BMPR1A: variants seen among roughly 807,000 people sequenced by gnomAD.
BMPR1A encodes bone morphogenetic protein receptor type 1A.
A neutral mutation model predicts 66.0 loss-of-function variants in BMPR1A; 7 were observed. The observed-to-expected ratio is 0.11, with a 90% CI of 0.06 to 0.20. The LOEUF (loss-of-function observed/expected upper bound fraction) is 0.20, where lower values mean the gene tolerates loss of function less well. Ranked by LOEUF, BMPR1A falls within the 10% of genes least tolerant of loss-of-function variation. BMPR1A has a pLI of 1.00. For synonymous variants in BMPR1A, 200 were observed against 229.7 expected (o/e 0.87, Z 1.17); for missense variants, 408 against 669.1 (o/e 0.61, Z 4.31).
At chr10:86,847,753 A>G (rs1340089787) in intron 2 of BMPR1A, among the ~76,000 whole-genome samples, 3 of 151,702 alleles carry the variant, frequency 2.0e-5, no homozygotes, top group Non-Finnish European at 4.4e-5. Flanking sequence ...TTTAAACACT[A>G]TGCACCAAAG....
At chr10:86,879,418 G>A (rs1437117201) in intron 3 of BMPR1A, among the ~76,000 whole-genome samples, 1 of 152,186 alleles carries the variant, frequency 6.6e-6, no homozygotes, top group Non-Finnish European at 1.5e-5. Flanking sequence ...TGTTGGATTA[G>A]ACCAACGATT....
intron 1 of BMPR1A, among the ~76,000 whole-genome samples, chr10:86,778,490 C>T (rs923893836): frequency 1.3e-5 from 2 of 151,972 alleles, no homozygotes; most frequent in African/African-American, 4.8e-5. Flanking sequence ...TTTCTTCTTC[C>T]ATCGTGGCCC....
At chr10:86,842,344 T>C (rs1236438128) in intron 2 of BMPR1A, among the ~76,000 whole-genome samples, 1 of 152,164 alleles carries the variant, frequency 6.6e-6, no homozygotes, top group Non-Finnish European at 1.5e-5. Flanking sequence ...ATAGTTTGAG[T>C]GTTTTCCATA....
At chr10:86,815,648 C>G (rs530938539) in intron 1 of BMPR1A, among the ~76,000 whole-genome samples, 3 of 152,206 alleles carry the variant, frequency 2.0e-5, no homozygotes, top group Non-Finnish European at 2.9e-5. Flanking sequence ...TCAGGCCAAA[C>G]ACTGGTTTAA....
At chr10:86,922,328 C>T (rs1843679057) in intron 11 of BMPR1A, among the ~76,000 whole-genome samples, 2 of 152,198 alleles carry the variant, frequency 1.3e-5, no homozygotes, top group African/African-American at 4.8e-5. Flanking sequence ...GTTGCTTCCA[C>T]ATCTTGGCTA....
chr10:86,767,730 T>TC (rs1482823961), intron 1 of BMPR1A, among the ~76,000 whole-genome samples: 3 of 151,318 alleles, frequency 2.0e-5, no homozygotes, highest in African/African-American at 7.4e-5. Flanking sequence ...AGCTTTTTTT[T>TC]CCTCCTGAAC....
At chr10:86,854,927 C>CTT in intron 2 of BMPR1A, 2 of 170,410 alleles carry the variant, frequency 1.2e-5, no homozygotes, top group Admixed American at 6.1e-5. Context: ...CTTTTTTTTT[C>CTT]TTTTTCTTTT....
At chr10:86,789,938 T>G (rs1841576597) in intron 1 of BMPR1A, among the ~76,000 whole-genome samples, 1 of 150,458 alleles carries the variant, frequency 6.6e-6, no homozygotes, top group Non-Finnish European at 1.5e-5. Flanking sequence ...GGGCAGATCA[T>G]GAGGTCAGGA....
rs1201660884 is a variant in BMPR1A at position 86,926,505 on chromosome 10, GC to G, written c.*2787del. 6.0e-6 allele frequency: 1 copy of G among 166,106 alleles called. No individual in the cohort carries two copies. The highest frequency in any genetic ancestry group is 2.4e-5 in the African/African-American group (1 of 41,888). 10.3% of individuals were successfully genotyped at this position (166,106 alleles called of 1,614,324 possible). On this transcript the variant is annotated 3_prime_UTR_variant, in exon 13 of 13. Transcript: ENST00000372037. ...ACTGCACTCCAGCCTGGGCAAAAGA[GC>G]GAAACTCCATCTCAAATAAACAAAC...
intron 1 of BMPR1A, among the ~76,000 whole-genome samples, chr10:86,760,588 G>A (rs1214705912): frequency 6.6e-6 from 1 of 152,082 alleles, no homozygotes; most frequent in East Asian, 1.9e-4. Context: ...TGCAGGGTGG[G>A]TCTGTAACGG....
chr10:86,828,609 A>G (rs1170073946), intron 1 of BMPR1A, among the ~76,000 whole-genome samples: 52 of 152,182 alleles, frequency 3.4e-4, no homozygotes, highest in Admixed American at 6.5e-5. Context: ...TGCTGATTTT[A>G]GCAGATCTGG....
chr10:86,783,598 A>AT (rs1841469431), intron 1 of BMPR1A, among the ~76,000 whole-genome samples: 1 of 151,868 alleles, frequency 6.6e-6, no homozygotes, highest in African/African-American at 2.4e-5. Flanking sequence ...GTTTTACTTT[A>AT]TTTTTTTAGA....
chr10:86,912,218 T>C lies in BMPR1A; in HGVS notation c.531-22T>C, dbSNP rs377132097. On this transcript the variant is annotated intron_variant, in intron 7 of 12. Transcript: ENST00000372037. Reference sequence around the variant, plus strand: ...TATAGTTTTTCATTTTTAATGTAGATTGTTTTCTGCTTTTTTAAAAGACAT... The same window carrying C: ...TATAGTTTTTCATTTTTAATGTAGACTGTTTTCTGCTTTTTTAAAAGACAT... 206 of 1,611,774 alleles carry C rather than the reference T, an allele frequency of 1.3e-4. No homozygotes were observed. The highest frequency in any genetic ancestry group is 1.7e-4 in the Non-Finnish European group (195 of 1,179,510).
At chr10:86,884,911 A>G (rs1225178160) in intron 3 of BMPR1A, among the ~76,000 whole-genome samples, 1 of 152,194 alleles carries the variant, frequency 6.6e-6, no homozygotes, top group Non-Finnish European at 1.5e-5. Flanking sequence ...TGCAGTTTTT[A>G]TGTTCAACTG....
intron 2 of BMPR1A, among the ~76,000 whole-genome samples, chr10:86,869,476 G>C (rs897527914): frequency 4.1e-5 from 6 of 145,178 alleles, no homozygotes; most frequent in African/African-American, 1.3e-4. Flanking sequence ...AAAAAAAAAG[G>C]CTGGACGTTG....
At chr10:86,891,860 A>G (rs1029671844) in intron 4 of BMPR1A, among the ~76,000 whole-genome samples, 1 of 152,274 alleles carries the variant, frequency 6.6e-6, no homozygotes, top group Non-Finnish European at 1.5e-5. Flanking sequence ...GAGAAGTCAC[A>G]TAACTCCTAT....
At chr10:86,847,504 TTTC>T (rs1842503727) in intron 2 of BMPR1A, among the ~76,000 whole-genome samples, 1 of 152,100 alleles carries the variant, frequency 6.6e-6, no homozygotes, top group Non-Finnish European at 1.5e-5. Context: ...CCCTTTTGTT[TTTC>T]TTTTTCCTCA....
Position 86,887,213 on chromosome 10 carries a change from G to GC in BMPR1A, c.68-2847dup, listed in dbSNP as rs553118878. 6.6e-5 allele frequency among the ~76,000 whole-genome samples: 10 copies of GC among 152,112 alleles called. No individual in the cohort carries two copies. In the East Asian group the frequency reaches 1.4e-3, roughly 21 times the overall value. On this transcript the variant is annotated intron_variant, in intron 3 of 12. Transcript: ENST00000372037. ...TCTGCTTTCCACCAAGTTTCTCAAG[G>GC]CCACATATGTGGTTTTGATGCCACA...
intron 1 of BMPR1A, among the ~76,000 whole-genome samples, chr10:86,767,870 G>T (rs1841193305): frequency 6.6e-6 from 1 of 152,086 alleles, no homozygotes; most frequent in African/African-American, 2.4e-5. Context: ...AGAGAATTTG[G>T]CACCACACCT....
Sources: allele counts gnomAD v4.1 joint callset (sites outside exome capture counted in the v4.1 genomes callset), GRCh38; gene constraint gnomAD v4.1.1; transcripts MANE v1.5; gene names NCBI Gene and HGNC (gene_info 2026-07-23, HGNC 2026-07-21).